OR4F5: variants seen among roughly 807,000 people sequenced by gnomAD.
OR4F5 encodes the protein olfactory receptor 4F5.
In OR4F5, 1 loss-of-function variant was observed where a neutral mutation model predicts 5.8. That is an observed-to-expected ratio of 0.17 (90% CI 0.06 to 0.82). OR4F5 has a LOEUF of 0.82. Ranked by LOEUF, OR4F5 falls within the 40% of genes least tolerant of loss-of-function variation. The pLI, the probability that OR4F5 is intolerant of heterozygous loss-of-function variation, is 0.72. For synonymous variants in OR4F5, 18 were observed against 63.7 expected (o/e 0.28, Z 3.42); for missense variants, 47 against 175.5 (o/e 0.27, Z 4.14).
intron 2 of OR4F5, among the ~76,000 whole-genome samples, chr1:66,577 A>ATATTATATATATATATT (rs1639950968): frequency 1.7e-5 from 1 of 57,508 alleles, no homozygotes; most frequent in Non-Finnish European, 3.9e-5. Context: ...AATATGTATA[A>ATATTATATATATATATT]TATATATTAT....
chr1:66,520 T>TAA (rs1639948911), intron 2 of OR4F5, among the ~76,000 whole-genome samples: 1 of 74,592 alleles, frequency 1.3e-5, no homozygotes, highest in Non-Finnish European at 3.0e-5. Context: ...ATAATATATA[T>TAA]TATATAATAT....
chr1:66,168 A>G (rs1229739619), intron 2 of OR4F5, among the ~76,000 whole-genome samples: 1 of 95,382 alleles, frequency 1.0e-5, no homozygotes, highest in African/African-American at 3.3e-5. Context: ...ATTTATATAT[A>G]TATATATTAT....
chr1:69,672 T>A lies in OR4F5; in HGVS notation c.645T>A (p.Ala215=). The A allele has an allele frequency of 1.2e-6, 1 of 825,082 alleles. No homozygotes were observed. 51.1% of individuals were successfully genotyped at this position (825,082 alleles called of 1,614,324 possible). ...DTYRLDIMVI[A]NSGVLTVCSF... is the part of the protein sequence containing the mutation. Reference sequence around the variant, plus strand: ...ACAGGCTAGATATTATGGTCATTGCTAACAGTGGTGTGCTCACTGTGTGTT... The same window carrying A: ...ACAGGCTAGATATTATGGTCATTGCAAACAGTGGTGTGCTCACTGTGTGTT... The change falls in exon 3 of 3, where the codon GCT becomes GCA. Residue 215 remains alanine (A), a synonymous_variant. Transcript: ENST00000641515.
chr1:66,426 TA>T lies in OR4F5; in HGVS notation c.9+856del, dbSNP rs1349727505. On this transcript the variant is annotated intron_variant, in intron 2 of 2. Coordinates refer to ENST00000641515, the MANE Select transcript of OR4F5 (RefSeq NM_001005484.2). ...ATATAATATAATATATTTTATTATA[TA>T]AATATATATTATATTATATAATATA... is the stretch of plus-strand genomic sequence containing the variant. Among the ~76,000 whole-genome samples the T allele has an allele frequency of 9.9e-4, 69 of 69,900 alleles. 4 individuals carry two copies. The highest frequency in any genetic ancestry group is 7.5e-3 in the South Asian group (23 of 3,054). The allele number at this position is 69,900 out of a possible 152,430, so 45.9% of individuals were successfully genotyped here.
In OR4F5 at chr1:66,043, G is replaced by T. The variant is rs1485088339; in HGVS notation, c.9+470G>T. On this transcript the variant is annotated intron_variant, in intron 2 of 2. Coordinates refer to ENST00000641515, the MANE Select transcript of OR4F5 (RefSeq NM_001005484.2). ...AAGAATAAACTCATTTTAAAAACAG[G>T]AAAGCTAAGGCCCAGAGATTTTTAA... Among the ~76,000 whole-genome samples the T allele has an allele frequency of 2.5e-5, 3 of 118,960 alleles. No individual in the cohort carries two copies. The East Asian group carries it at 6.0e-4, about 24-fold the overall frequency. 78.0% of individuals were successfully genotyped at this position (118,960 alleles called of 152,430 possible).
intron 2 of OR4F5, among the ~76,000 whole-genome samples, chr1:66,547 T>A (rs1223872596): frequency 1.8e-4 from 14 of 78,266 alleles, no homozygotes; most frequent in African/African-American, 4.9e-4. Flanking sequence ...TATTTATATA[T>A]AACATATATT....
rs140739101 is a variant in OR4F5 at position 69,428 on chromosome 1, T to G, written c.401T>G (p.Phe134Cys). The G allele has an allele frequency of 0.031, 31,748 of 1,018,622 alleles. 11,676 individuals are homozygous for G. The highest frequency in any genetic ancestry group is 0.038 in the Non-Finnish European group (28,270 of 735,878). The allele number at this position is 1,018,622 out of a possible 1,614,324, so 63.1% of individuals were successfully genotyped here. The change falls in exon 3 of 3, where the codon TTT (phenylalanine) becomes TGT (cysteine). Residue 134 changes from phenylalanine to cysteine, a missense_variant. By Grantham distance (205) the Phe-to-Cys change is radical (BLOSUM62 -2). Coordinates refer to ENST00000641515, the MANE Select transcript of OR4F5 (RefSeq NM_001005484.2). ...SEMVILIAMG[F>C]DRYIAICKPL... is the part of the protein sequence containing the mutation. ...ATGGTGATCCTCATAGCCATGGGCT[T>G]TGACAGATATATAGCAATATGCAAG...
At position 66,530 on chromosome 1, in the gene OR4F5, T is replaced by C. The variant is rs1412523389; in HGVS notation, c.9+957T>C. 3.5e-4 allele frequency among the ~76,000 whole-genome samples: 29 copies of C among 83,966 alleles called. 3 individuals are homozygous for C. Among genetic ancestry groups the C allele is most frequent in the Admixed American group, 1.7e-3 (9 of 5,174 alleles). 55.1% of individuals were successfully genotyped at this position (83,966 alleles called of 152,430 possible). Reference sequence around the variant, plus strand: ...ATTATATAATATATATTATATAATATATATTATATTTATATATAACATATA... The same window carrying C: ...ATTATATAATATATATTATATAATACATATTATATTTATATATAACATATA... On this transcript the variant is annotated intron_variant, in intron 2 of 2. Transcript: ENST00000641515.
At chr1:67,277 A>G (rs1350526558) in intron 2 of OR4F5, among the ~76,000 whole-genome samples, 1 of 114,272 alleles carries the variant, frequency 8.8e-6, no homozygotes, top group East Asian at 2.0e-4. Context: ...CCACTATTAG[A>G]CTTCTCTTTA....
chr1:70,348 AT>A lies in OR4F5; in HGVS notation c.*343del, dbSNP rs1291754854. ...AGAGAAAATATAGCCTAGCTTATAAATTTAAAAAAAAATTTATTTGGTCCAT... is the reference window on the plus strand; with the variant it reads ...AGAGAAAATATAGCCTAGCTTATAAATTAAAAAAAAATTTATTTGGTCCAT... On this transcript the variant is annotated 3_prime_UTR_variant, in exon 3 of 3. Transcript: ENST00000641515. The A allele has an allele frequency of 1.6e-5, 2 of 123,796 alleles. 1 individual carries two copies. The highest frequency in any genetic ancestry group is 1.6e-4 in the Admixed American group (2 of 12,292). 7.7% of individuals were successfully genotyped at this position (123,796 alleles called of 1,614,324 possible).
intron 2 of OR4F5, among the ~76,000 whole-genome samples, chr1:66,344 T>C (rs1639940473): frequency 2.2e-5 from 1 of 45,716 alleles, no homozygotes; most frequent in African/African-American, 5.7e-5. Flanking sequence ...TTTTATTATA[T>C]AATATAATAT....
intron 2 of OR4F5, among the ~76,000 whole-genome samples, chr1:66,244 A>AT (rs1366719155): frequency 6.1e-5 from 2 of 32,748 alleles, no homozygotes; most frequent in African/African-American, 1.3e-4. Context: ...TATATATTAT[A>AT]TTATATAATA....
chr1:67,333 A>G (rs2100335521), intron 2 of OR4F5, among the ~76,000 whole-genome samples: 1 of 107,644 alleles, frequency 9.3e-6, no homozygotes, highest in African/African-American at 2.7e-5. Context: ...GGACTTTAAA[A>G]ACAGTAATGT....
At chr1:66,320 AAATAT>A (rs1166075999) in intron 2 of OR4F5, among the ~76,000 whole-genome samples, 4 of 22,818 alleles carry the variant, frequency 1.8e-4, no homozygotes, top group East Asian at 4.4e-4. Context: ...TAAATTATAT[AAATAT>A]AATATATATT....
rs985403705 is a variant in OR4F5, at chr1:70,467, G to GAA, written c.*463_*464dup. ...GATATATGTCAACTTTTAAGAGGTT[G>GAA]AAAAACAAACGCCTCCCATTATAAG... is the stretch of plus-strand genomic sequence containing the variant. On this transcript the variant is annotated 3_prime_UTR_variant, in exon 3 of 3. Transcript: ENST00000641515. 3.0e-5 allele frequency: 3 copies of GAA among 98,920 alleles called. No individual in the cohort carries two copies. The highest frequency in any genetic ancestry group is 1.0e-4 in the Admixed American group (1 of 9,602). 6.1% of individuals were successfully genotyped at this position (98,920 alleles called of 1,614,324 possible).
At position 66,896 on chromosome 1, in the gene OR4F5, A is replaced by T. The variant is rs1570408851; in HGVS notation, c.9+1323A>T. ...ACAAATTCAGGAGAGAGATGTCTTA[A>T]CTACGTTAGCAAGAAATTCCTTTTG... On this transcript the variant is annotated intron_variant, in intron 2 of 2. Transcript: ENST00000641515. Among the ~76,000 whole-genome samples, 6 of 106,772 alleles carry T rather than the reference A, an allele frequency of 5.6e-5. No individual in the cohort carries two copies. In the South Asian group the frequency reaches 1.7e-3, roughly 30 times the overall value. The allele number at this position is 106,772 out of a possible 152,430, so 70.0% of individuals were successfully genotyped here. A position where few individuals can be genotyped will look rare whatever the true frequency, so the allele number is the denominator to read the frequency against.
intron 2 of OR4F5, among the ~76,000 whole-genome samples, chr1:66,447 A>T (rs1423297122): frequency 2.0e-4 from 16 of 79,758 alleles, no homozygotes; most frequent in South Asian, 1.6e-3. Flanking sequence ...TATATTATAT[A>T]ATATATATTT....
At chr1:66,377 A>ATTT (rs1491513141) in intron 2 of OR4F5, among the ~76,000 whole-genome samples, 4 of 8,010 alleles carry the variant, frequency 5.0e-4, no homozygotes, top group South Asian at 1.9e-3. Context: ...TATAATATAT[A>ATTT]AATTATATAA....
intron 2 of OR4F5, among the ~76,000 whole-genome samples, chr1:66,577 A>ATATTATATATT (rs1639950968): frequency 1.7e-5 from 1 of 57,508 alleles, no homozygotes; most frequent in African/African-American, 5.2e-5. Flanking sequence ...AATATGTATA[A>ATATTATATATT]TATATATTAT....
Sources: allele counts gnomAD v4.1 joint callset (sites outside exome capture counted in the v4.1 genomes callset), GRCh38; gene constraint gnomAD v4.1.1; transcripts MANE v1.5; gene names NCBI Gene and HGNC (gene_info 2026-07-23, HGNC 2026-07-21).